GRIK2: variants seen among roughly 807,000 people sequenced by gnomAD.
GRIK2 encodes the protein glutamate ionotropic receptor kainate type subunit 2.
Under a neutral mutation model 100.3 loss-of-function variants are expected in GRIK2, and 32 were observed. The observed-to-expected ratio is 0.32, with a 90% confidence interval of 0.24 to 0.43. The LOEUF is 0.43. Among genes scored for constraint, GRIK2 ranks in the 20% least tolerant of loss-of-function variants. The pLI is 1.00. For synonymous variants in GRIK2, 417 were observed against 389.4 expected, an observed-to-expected ratio of 1.07 and a Z score of -0.83; for missense variants, 843 against 1,114.9, an observed-to-expected ratio of 0.76 and a Z score of 3.47.
At chr6:102,017,501 G>C (rs577536274) in intron 14 of GRIK2, among the ~76,000 whole-genome samples, 1 of 152,062 alleles carries the variant, frequency 6.6e-6, no homozygotes, top group African/African-American at 2.4e-5. Context: ...TTTTTTGTTT[G>C]GTTTGGTTTG....
chr6:101,742,966 T>G (rs1438894599), intron 7 of GRIK2, among the ~76,000 whole-genome samples: 2 of 152,070 alleles, frequency 1.3e-5, no homozygotes, highest in East Asian at 3.9e-4. Flanking sequence ...AGGGGGAGAT[T>G]AGAATTTTAT....
chr6:101,402,397 G>T (rs981006437), intron 2 of GRIK2, among the ~76,000 whole-genome samples: 1 of 152,170 alleles, frequency 6.6e-6, no homozygotes, highest in African/African-American at 2.4e-5. Context: ...TCTCTGTCCT[G>T]TTTCCCCCTT....
intron 4 of GRIK2, among the ~76,000 whole-genome samples, chr6:101,657,705 G>A (rs1769295207): frequency 6.6e-6 from 1 of 152,060 alleles, no homozygotes; most frequent in African/African-American, 2.4e-5. Context: ...TTAGCAATGT[G>A]GCATATGTTT....
chr6:101,538,762 T>C (rs1775844453), intron 2 of GRIK2, among the ~76,000 whole-genome samples: 2 of 151,726 alleles, frequency 1.3e-5, no homozygotes, highest in Non-Finnish European at 3.0e-5. Context: ...TATGTGACTG[T>C]GTTAGAAATG....
At chr6:101,854,503 A>G (rs559748570) in intron 10 of GRIK2, among the ~76,000 whole-genome samples, 1 of 152,032 alleles carries the variant, frequency 6.6e-6, no homozygotes, top group South Asian at 2.1e-4. Context: ...CATGTGATTC[A>G]CCCACCTCGA....
chr6:101,906,374 G>GTGTGTGTGCGTGTGTT (rs1788225754), intron 12 of GRIK2, among the ~76,000 whole-genome samples: 1 of 150,994 alleles, frequency 6.6e-6, no homozygotes, highest in Non-Finnish European at 1.5e-5. Context: ...ATCTGTGTGT[G>GTGTGTGTGCGTGTGTT]TGTGTGTGTG....
chr6:101,814,114 C>A (rs764748573), intron 9 of GRIK2, among the ~76,000 whole-genome samples: 25 of 152,082 alleles, frequency 1.6e-4, no homozygotes, highest in Non-Finnish European at 3.2e-4. Context: ...CAAACAGAAG[C>A]TGATAATACA....
chr6:101,714,716 C>A (rs1172819042), intron 7 of GRIK2, among the ~76,000 whole-genome samples: 7 of 151,764 alleles, frequency 4.6e-5, no homozygotes, highest in African/African-American at 1.7e-4. Flanking sequence ...CTCTTTGTCA[C>A]AAGTCCTGTG....
intron 2 of GRIK2, among the ~76,000 whole-genome samples, chr6:101,611,838 G>T (rs146240235): frequency 2.4e-3 from 362 of 151,816 alleles, no homozygotes; most frequent in African/African-American, 8.2e-3. Context: ...ATGTATATAT[G>T]TTTTATTTTT....
intron 14 of GRIK2, among the ~76,000 whole-genome samples, chr6:101,981,434 A>G (rs1793708020): frequency 6.6e-6 from 1 of 151,876 alleles, no homozygotes; most frequent in Non-Finnish European, 1.5e-5. Context: ...TATCATCTTC[A>G]TCATTCAGCC....
chr6:101,836,839 T>C (rs1441208288), intron 10 of GRIK2, among the ~76,000 whole-genome samples: 2 of 151,496 alleles, frequency 1.3e-5, no homozygotes, highest in African/African-American at 4.8e-5. Flanking sequence ...CTAATTTTTG[T>C]ATTTTTAGTA....
intron 7 of GRIK2, among the ~76,000 whole-genome samples, chr6:101,782,216 T>C (rs1479152778): frequency 6.6e-6 from 1 of 152,208 alleles, no homozygotes; most frequent in Non-Finnish European, 1.5e-5. Flanking sequence ...TGCAATCCTC[T>C]CTTCTAGCTA....
chr6:102,039,369 C>T (rs1447432419), intron 15 of GRIK2, among the ~76,000 whole-genome samples: 4 of 151,584 alleles, frequency 2.6e-5, no homozygotes, highest in Admixed American at 6.6e-5. Flanking sequence ...TTTAATGTGG[C>T]ATTTACTGTG....
At chr6:101,968,743 A>T (rs1047769576) in intron 14 of GRIK2, among the ~76,000 whole-genome samples, 2 of 140,012 alleles carry the variant, frequency 1.4e-5, no homozygotes, top group African/African-American at 2.5e-5. Flanking sequence ...CCCATCAAAA[A>T]TGTGTGTTCT....
chr6:101,740,884 G>A (rs1213275967), intron 7 of GRIK2, among the ~76,000 whole-genome samples: 1 of 152,062 alleles, frequency 6.6e-6, no homozygotes, highest in Non-Finnish European at 1.5e-5. Flanking sequence ...ATTCATGAGG[G>A]TTCTGCCCAC....
chr6:102,037,766 G>A lies in GRIK2; in HGVS notation c.2311+2200G>A, dbSNP rs1057004236. ...TTTATTGCCCTAGCTCTGTGTGATGGGAGTGCTCAAATCTTGGCATTCTGC... is the reference window on the plus strand; with the variant it reads ...TTTATTGCCCTAGCTCTGTGTGATGAGAGTGCTCAAATCTTGGCATTCTGC... On this transcript the variant is annotated intron_variant, in intron 15 of 16. Coordinates refer to ENST00000369134, the MANE Select transcript of GRIK2 (RefSeq NM_021956.5). Among the ~76,000 whole-genome samples the A allele has an allele frequency of 3.3e-5, 5 of 151,220 alleles. No homozygotes were observed. The Admixed American group carries it at 3.3e-4, about 10-fold the overall frequency.
At chr6:101,788,728 T>A (rs561905379) in intron 7 of GRIK2, among the ~76,000 whole-genome samples, 19 of 152,290 alleles carry the variant, frequency 1.2e-4, no homozygotes, top group Non-Finnish European at 2.4e-4. Flanking sequence ...ATATACCCAG[T>A]AATGGGATGG....
chr6:101,821,075 TTTAA>T lies in GRIK2; in HGVS notation c.1317+2597_1317+2600del, dbSNP rs201783999. Reference sequence around the variant, plus strand: ...GTCAAATTAAATTAAATAAATGATATTTAATTAAATGGGAAATTAGACGAAGTAC... The same window carrying T: ...GTCAAATTAAATTAAATAAATGATATTTAAATGGGAAATTAGACGAAGTAC... On this transcript the variant is annotated intron_variant, in intron 10 of 16. Transcript: ENST00000369134. Among the ~76,000 whole-genome samples, 1,150 of 152,312 alleles carry T rather than the reference TTTAA, an allele frequency of 7.6e-3. 12 individuals are homozygous for T. Among genetic ancestry groups the T allele is most frequent in the Non-Finnish European group, 9.6e-3 (651 of 68,012 alleles).
intron 7 of GRIK2, among the ~76,000 whole-genome samples, chr6:101,696,269 T>C (rs941009496): frequency 1.3e-5 from 2 of 151,722 alleles, no homozygotes; most frequent in Non-Finnish European, 2.9e-5. Flanking sequence ...AAAACTATCA[T>C]AAATATAGAA....
Sources: gnomAD v4.1 joint callset for allele counts (sites outside exome capture counted in the v4.1 genomes callset) on GRCh38, gnomAD v4.1.1 for gene constraint, MANE v1.5 for transcripts, NCBI Gene and HGNC (gene_info 2026-07-23, HGNC 2026-07-21) for gene names.